The following ANKRD11 variants were observed in gnomAD, a reference collection of about 807,000 sequenced individuals.
ANKRD11 encodes ankyrin repeat domain 11.
Under a neutral mutation model 195.7 loss-of-function variants are expected in ANKRD11, and 17 were observed. The observed-to-expected ratio is 0.09, with a 90% CI of 0.06 to 0.13. The LOEUF (loss-of-function observed/expected upper bound fraction) is 0.13. ANKRD11 is among the 10% of genes least tolerant of loss of function. The pLI is 1.00. For missense variants in ANKRD11, 3,735 were observed against 3,566.1 expected (o/e 1.05, Z -1.21); for synonymous variants, 1,953 against 1,528.1 (o/e 1.28, Z -6.49).
chr16:89,327,762 G>T (rs1015495245), intron 2 of ANKRD11, among the ~76,000 whole-genome samples: 2 of 152,012 alleles, frequency 1.3e-5, no homozygotes, highest in Non-Finnish European at 2.9e-5. Flanking sequence ...GGTTCATATG[G>T]AACAAAACTA....
At chr16:89,287,333 C>T (rs1430525056) in intron 7 of ANKRD11, 1 of 324,860 alleles carries the variant, frequency 3.1e-6, no homozygotes, top group African/African-American at 2.2e-5. Context: ...GCAAGATGAC[C>T]TAGGACAATC....
rs1175676213 is a variant in ANKRD11, at chr16:89,280,489, G to A, written c.6053C>T (p.Pro2018Leu). The change falls in exon 9 of 13, where the codon CCT becomes CTT. Residue 2018 changes from proline to leucine, a missense_variant. Physicochemically the swap from Pro to Leu is moderately conservative, Grantham distance 98. Transcript: ENST00000301030. ...AGCGTACGGGGCAGGAGAGGCGGGA[G>A]GGGCGGGGTACGGCGCCTCCGAGGC... Reference protein sequence around the residue: ...FSASEAPYPAPPASPAPYALP... With the variant: ...FSASEAPYPALPASPAPYALP... 4 of 1,585,422 alleles carry A rather than the reference G, an allele frequency of 2.5e-6. No homozygotes were observed. The highest frequency in any genetic ancestry group is 3.4e-6 in the Non-Finnish European group (4 of 1,166,648).
chr16:89,280,704 C>A lies in ANKRD11; in HGVS notation c.5838G>T (p.Glu1946Asp), dbSNP rs1175857388. Residue 1946 changes from glutamate to aspartate, a missense_variant, in exon 9 of 13, where the codon GAG (glutamate) becomes GAT (aspartate). By Grantham distance (45) the Glu-to-Asp change is conservative (BLOSUM62 2). Coordinates refer to ENST00000301030, the MANE Select transcript of ANKRD11 (RefSeq NM_013275.6). ...CGGAGGGGTGGGCCCACTCAACGGGCTCCTCGGTGATGACGGCGCTGAAGG... is the reference window on the plus strand; with the variant it reads ...CGGAGGGGTGGGCCCACTCAACGGGATCCTCGGTGATGACGGCGCTGAAGG... Reference protein sequence around the residue: ...EGPFSAVITEEPVEWAHPSEQ... With the variant: ...EGPFSAVITEDPVEWAHPSEQ... The A allele has an allele frequency of 3.1e-6, 5 of 1,613,372 alleles. No homozygotes were observed. The highest frequency in any genetic ancestry group is 1.7e-5 in the Admixed American group (1 of 60,010).
chr16:89,278,990 C>A, intron 9 of ANKRD11, 82 bp downstream of exon 9: 1 of 1,569,918 alleles, frequency 6.4e-7, no homozygotes, highest in Admixed American at 1.8e-5. Context: ...TGGGACAAGA[C>A]GGGCTGGAGG....
At chr16:89,473,845 C>A (rs2057167802) in intron 1 of ANKRD11, among the ~76,000 whole-genome samples, 1 of 152,182 alleles carries the variant, frequency 6.6e-6, no homozygotes, top group African/African-American at 2.4e-5. Context: ...TGCTTCTAAC[C>A]CACAGAATGT....
rs1166405203 is a variant in ANKRD11, at chr16:89,430,987, G to C, written c.-144-12619C>G. ...CGGAGAAACAGAAACGGCCACTCCAGGCTCAACCTATCCATCCCGGCCTCT... is the reference window on the plus strand; with the variant it reads ...CGGAGAAACAGAAACGGCCACTCCACGCTCAACCTATCCATCCCGGCCTCT... On this transcript the variant is annotated intron_variant, in intron 1 of 12. Coordinates refer to ENST00000301030, the MANE Select transcript of ANKRD11 (RefSeq NM_013275.6). 2.6e-5 allele frequency among the ~76,000 whole-genome samples: 4 copies of C among 152,034 alleles called. No homozygotes were observed. In the East Asian group the frequency reaches 5.8e-4, roughly 22 times the overall value.
rs550038809 is a variant in ANKRD11 at position 89,380,363 on chromosome 16, C to T, written c.-60+37921G>A. Among the ~76,000 whole-genome samples, 17 of 152,292 alleles carry T rather than the reference C, an allele frequency of 1.1e-4. No individual in the cohort carries two copies. In the South Asian group the frequency reaches 2.9e-3, roughly 26 times the overall value. On this transcript the variant is annotated intron_variant, in intron 2 of 12. Transcript: ENST00000301030. ...CTGACCTCAGGTGATCCACCCACCTCGGCCTCCCAAAGTGCTGGGATTACA... is the reference window on the plus strand; with the variant it reads ...CTGACCTCAGGTGATCCACCCACCTTGGCCTCCCAAAGTGCTGGGATTACA...
chr16:89,375,303 C>G (rs1322999123), intron 2 of ANKRD11, among the ~76,000 whole-genome samples: 2 of 152,198 alleles, frequency 1.3e-5, no homozygotes, highest in African/African-American at 2.4e-5. Flanking sequence ...TATCTCAAGC[C>G]TTAAGCTAGT....
rs1208973004 is a variant in ANKRD11, at chr16:89,279,562, G to A, written c.6980C>T (p.Pro2327Leu). 7.0e-7 allele frequency: 1 copy of A among 1,426,678 alleles called. No homozygotes were observed. The highest frequency in any genetic ancestry group is 1.3e-5 in the South Asian group (1 of 76,318). The allele number at this position is 1,426,678 out of a possible 1,614,324, so 88.4% of individuals were successfully genotyped here. Reference protein sequence around the residue: ...PKPTAEAPKAPRVEEIPQRMT... With the variant: ...PKPTAEAPKALRVEEIPQRMT... ...GCGCTGAGGGATCTCCTCCACTCGG[G>A]GGGCCTTCGGGGCTTCGGCCGTGGG... Residue 2327 changes from proline to leucine, a missense_variant, in exon 9 of 13, where the codon CCC (proline) becomes CTC (leucine). Pro to Leu is a moderately conservative substitution (Grantham distance 98, BLOSUM62 -3). Transcript: ENST00000301030. The surrounding 1 kb of genome is among the most constrained non-coding windows in gnomAD (Gnocchi z 5.6).
At chr16:89,298,301 TC>T (rs1597513888) in intron 4 of ANKRD11, 1 of 152,212 alleles carries the variant, frequency 6.6e-6, no homozygotes, top group Non-Finnish European at 1.5e-5. Flanking sequence ...ATAAACAAGA[TC>T]AACGTCCAAA....
At chr16:89,480,862 C>G (rs1379188953) in intron 1 of ANKRD11, among the ~76,000 whole-genome samples, 1 of 152,160 alleles carries the variant, frequency 6.6e-6, no homozygotes, top group Non-Finnish European at 1.5e-5. Context: ...CTGGGCTGTG[C>G]CCCTCAAGAA....
intron 2 of ANKRD11, among the ~76,000 whole-genome samples, chr16:89,387,820 T>C (rs376305870): frequency 2.0e-5 from 3 of 148,790 alleles, no homozygotes; most frequent in African/African-American, 5.0e-5. Context: ...CTGGCCAACA[T>C]GGTGAAACCC....
chr16:89,381,666 A>C (rs1567724972), intron 2 of ANKRD11, among the ~76,000 whole-genome samples: 1 of 152,068 alleles, frequency 6.6e-6, no homozygotes, highest in African/African-American at 2.4e-5. Flanking sequence ...CATCACAGAA[A>C]CCCACCTTCA....
intron 1 of ANKRD11, among the ~76,000 whole-genome samples, chr16:89,489,678 C>T (rs2057746293): frequency 6.6e-6 from 1 of 151,772 alleles, no homozygotes; most frequent in African/African-American, 2.4e-5. Context: ...GGCGCCCGGC[C>T]AGCGCCCCCT....
chr16:89,368,561 A>C (rs1375228158), intron 2 of ANKRD11, among the ~76,000 whole-genome samples: 1 of 149,942 alleles, frequency 6.7e-6, no homozygotes, highest in African/African-American at 2.5e-5. Context: ...CTCTCAATTT[A>C]ATTTCTTGCT....
At chr16:89,342,305 C>T (rs928717437) in intron 2 of ANKRD11, among the ~76,000 whole-genome samples, 6 of 152,272 alleles carry the variant, frequency 3.9e-5, no homozygotes, top group Non-Finnish European at 8.8e-5. Flanking sequence ...AGGCTCAGAC[C>T]TCAGAACCAG....
intron 4 of ANKRD11, among the ~76,000 whole-genome samples, chr16:89,302,968 G>T (rs372879344): frequency 1.6e-4 from 25 of 152,112 alleles, no homozygotes; most frequent in African/African-American, 5.3e-4. Context: ...CTGGCACCAC[G>T]CAGGCGCTAA....
chr16:89,454,121 C>G (rs1426902314), intron 1 of ANKRD11, among the ~76,000 whole-genome samples: 1 of 152,154 alleles, frequency 6.6e-6, no homozygotes, highest in Non-Finnish European at 1.5e-5. Flanking sequence ...CACAACACCC[C>G]CTGGCACACC....
intron 2 of ANKRD11, among the ~76,000 whole-genome samples, chr16:89,350,060 T>C (rs544949577): frequency 2.0e-5 from 3 of 152,220 alleles, no homozygotes; most frequent in South Asian, 4.1e-4. Context: ...AATACATGGA[T>C]AGTCCCTTCC....
Sources: allele counts gnomAD v4.1 joint callset (sites outside exome capture counted in the v4.1 genomes callset), GRCh38; gene constraint gnomAD v4.1.1; non-coding constraint Gnocchi (gnomAD v3.1); transcripts MANE v1.5; gene names NCBI Gene and HGNC (gene_info 2026-07-23, HGNC 2026-07-21).